MARK3: variants seen among roughly 807,000 people sequenced by gnomAD.
The protein encoded by MARK3 is MAP/microtubule affinity-regulating kinase 3.
Under a neutral mutation model 90.1 loss-of-function variants are expected in MARK3, and 46 were observed. The ratio of observed to expected loss-of-function variants is 0.51; its 90% CI spans 0.40 to 0.65. The LOEUF (loss-of-function observed/expected upper bound fraction) is 0.65, where lower values mean the gene tolerates loss of function less well. Among genes scored for constraint, MARK3 ranks in the 30% least tolerant of loss-of-function variants. The probability of loss-of-function intolerance (pLI) is 0.00; values close to 1 mark genes in which losing one functional copy is unlikely to be tolerated. For missense variants in MARK3, 818 were observed against 947.2 expected, an observed-to-expected ratio of 0.86 and a Z score of 1.79; for synonymous variants, 321 against 332.6, an observed-to-expected ratio of 0.97 and a Z score of 0.38.
intron 2 of MARK3, among the ~76,000 whole-genome samples, chr14:103,407,731 T>C (rs12431617): frequency 0.35 from 52,618 of 151,392 alleles, 9,653 homozygotes; most frequent in East Asian, 0.5. Flanking sequence ...CGGCTAATTT[T>C]TGTATTTTTA....
chr14:103,413,085 A>C (rs927853891), intron 2 of MARK3, among the ~76,000 whole-genome samples: 1 of 151,768 alleles, frequency 6.6e-6, no homozygotes, highest in African/African-American at 2.4e-5. Context: ...TGTTGGTCAG[A>C]CTGGTCTCAA....
At chr14:103,477,489 C>G (rs2093734846) in intron 13 of MARK3, among the ~76,000 whole-genome samples, 1 of 150,936 alleles carries the variant, frequency 6.6e-6, no homozygotes, top group African/African-American at 2.5e-5. Context: ...GAGACTCCAT[C>G]TCAAAAAATA....
chr14:103,386,041 G>A lies in MARK3; in HGVS notation c.12G>A (p.Arg4=). Residue 4 remains arginine, a synonymous_variant, in exon 1 of 18, where the codon AGG becomes AGA. Transcript: ENST00000429436. MST[R]TPLPTVNERD... is the part of the protein sequence containing the mutation. ...TAAAGTGCAGTAAAATGTCCACTAG[G>A]ACCCCATTGCCAACGGTGAATGAAC... The A allele has an allele frequency of 6.2e-7, 1 of 1,614,114 alleles. No individual in the cohort carries two copies. Among genetic ancestry groups the A allele is most frequent in the Non-Finnish European group, 8.5e-7 (1 of 1,179,918 alleles).
intron 4 of MARK3, among the ~76,000 whole-genome samples, chr14:103,450,558 G>C (rs1017613232): frequency 6.6e-6 from 1 of 152,136 alleles, no homozygotes; most frequent in Non-Finnish European, 1.5e-5. Context: ...GATTAGAAGA[G>C]TTTTATTTTC....
At chr14:103,459,890 C>CA (rs1460226833) in intron 6 of MARK3, among the ~76,000 whole-genome samples, 1 of 151,632 alleles carries the variant, frequency 6.6e-6, no homozygotes, top group Non-Finnish European at 1.5e-5. Context: ...CTATTTATGA[C>CA]AAAAAGGAAG....
intron 15 of MARK3, among the ~76,000 whole-genome samples, chr14:103,493,727 T>G (rs1242300287): frequency 1.3e-5 from 2 of 150,950 alleles, no homozygotes; most frequent in African/African-American, 4.9e-5. Context: ...ATACAAAAAT[T>G]AGCCAGGCAT....
intron 2 of MARK3, among the ~76,000 whole-genome samples, chr14:103,416,496 C>A (rs1451135633): frequency 3.3e-5 from 5 of 152,154 alleles, no homozygotes; most frequent in African/African-American, 1.2e-4. Flanking sequence ...GCAAGCCAGG[C>A]GTGGTGGATC....
chr14:103,462,033 TAAAAAAA>T (rs34942342), intron 6 of MARK3, among the ~76,000 whole-genome samples: 1 of 140,532 alleles, frequency 7.1e-6, no homozygotes, highest in Non-Finnish European at 1.5e-5. Context: ...GAGACTCTGT[TAAAAAAA>T]AAAAAAAAAA....
chr14:103,451,343 T>G (rs1433487422), intron 4 of MARK3, among the ~76,000 whole-genome samples: 1 of 152,182 alleles, frequency 6.6e-6, no homozygotes, highest in African/African-American at 2.4e-5. Context: ...TGAAAATGAT[T>G]CTTATAAAAA....
intron 7 of MARK3, among the ~76,000 whole-genome samples, chr14:103,463,003 G>A (rs1381153514): frequency 1.3e-5 from 2 of 152,110 alleles, no homozygotes; most frequent in African/African-American, 4.8e-5. Flanking sequence ...GGAAAGTGGG[G>A]TGCTTCTGCT....
In MARK3 at chr14:103,468,108, A is replaced by G; in HGVS notation, c.1186A>G (p.Ser396Gly). The G allele has an allele frequency of 6.2e-7, 1 of 1,613,996 alleles. No individual in the cohort carries two copies. The highest frequency in any genetic ancestry group is 8.5e-7 in the Non-Finnish European group (1 of 1,179,972). Reference sequence around the variant, plus strand: ...TAGGCCGAGCAGTGATCTCAACAACAGTACTGGCCAGTCTCCTCACCACAA... The same window carrying G: ...TAGGCCGAGCAGTGATCTCAACAACGGTACTGGCCAGTCTCCTCACCACAA... The part of the protein sequence containing the change: ...KVRPSSDLNN[S>G]TGQSPHHKVQ... The change falls in exon 12 of 18, where the codon AGT becomes GGT. Residue 396 changes from serine to glycine, a missense_variant. By Grantham distance (56) the Ser-to-Gly change is moderately conservative (BLOSUM62 0). This residue lies in a region of MARK3 where 560 missense variants were observed against 613.5 expected (regional missense o/e 0.91). Coordinates refer to ENST00000429436, the MANE Select transcript of MARK3 (RefSeq NM_001128918.3).
At chr14:103,483,302 C>T (rs2093860389) in intron 14 of MARK3, among the ~76,000 whole-genome samples, 1 of 152,132 alleles carries the variant, frequency 6.6e-6, no homozygotes, top group African/African-American at 2.4e-5. Flanking sequence ...TAAATATTTT[C>T]GACATTTAGC....
At chr14:103,409,529 CAT>C (rs933902688) in intron 2 of MARK3, among the ~76,000 whole-genome samples, 1 of 142,936 alleles carries the variant, frequency 7.0e-6, no homozygotes, top group Non-Finnish European at 1.5e-5. Context: ...GTAGATATGA[CAT>C]ATAAAATGTA....
chr14:103,437,883 TAGTG>T (rs1417293373), intron 3 of MARK3, among the ~76,000 whole-genome samples: 1 of 152,206 alleles, frequency 6.6e-6, no homozygotes, highest in Non-Finnish European at 1.5e-5. Context: ...TACCTAGACT[TAGTG>T]AGTGGTACAG....
At chr14:103,403,365 TGTG>T (rs2091087348) in intron 1 of MARK3, among the ~76,000 whole-genome samples, 1 of 148,682 alleles carries the variant, frequency 6.7e-6, no homozygotes. Context: ...TGTGTGTGTG[TGTG>T]TGTGTAACTC....
chr14:103,488,052 A>T, intron 14 of MARK3, among the ~76,000 whole-genome samples: 1 of 152,134 alleles, frequency 6.6e-6, no homozygotes, highest in Non-Finnish European at 1.5e-5. Flanking sequence ...CTCAAAAAAA[A>T]AAAAATAAAT....
Position 103,491,921 on chromosome 14 carries a change from T to C in MARK3, c.1731T>C (p.Tyr577=), listed in dbSNP as rs1398859844. The change falls in exon 15 of 18, where the codon TAT becomes TAC. Residue 577 remains tyrosine, a synonymous_variant. Transcript: ENST00000429436. ...GQPRERRTAT[Y]NGPPASPSLS... ...CCCGGGAACGGCGAACCGCAACATA[T>C]AATGGCCCTCCTGCCTCTCCCAGCC... is the stretch of plus-strand genomic sequence containing the variant. The C allele has an allele frequency of 1.9e-6, 3 of 1,613,996 alleles. No individual in the cohort carries two copies. In the Admixed American group the frequency reaches 5.0e-5, roughly 27 times the overall value.
intron 1 of MARK3, among the ~76,000 whole-genome samples, chr14:103,391,838 G>A (rs1352273398): frequency 2.0e-5 from 3 of 151,334 alleles, no homozygotes; most frequent in African/African-American, 4.9e-5. Flanking sequence ...GATTACAGGC[G>A]TGAGCCACTG....
chr14:103,411,727 A>G (rs1476105368), intron 2 of MARK3, among the ~76,000 whole-genome samples: 1 of 151,948 alleles, frequency 6.6e-6, no homozygotes, highest in Non-Finnish European at 1.5e-5. Context: ...GGTTTAAGCA[A>G]TTCGCCTGCC....
Sources: gnomAD v4.1 joint callset for allele counts (sites outside exome capture counted in the v4.1 genomes callset) on GRCh38, gnomAD v4.1.1 for gene constraint, gnomAD v4.1.1 regional missense constraint, MANE v1.5 for transcripts, NCBI Gene and HGNC (gene_info 2026-07-23, HGNC 2026-07-21) for gene names.